The following TXN variants were observed in gnomAD, a reference collection of about 807,000 sequenced individuals.
TXN encodes the protein thioredoxin, also known as ADF.
TXN carries 10 observed loss-of-function variants against 16.5 expected under a neutral mutation model. The ratio of observed to expected loss-of-function variants is 0.61; its 90% CI spans 0.37 to 1.03. The LOEUF is 1.03. TXN is among the 50% of genes least tolerant of loss of function. The probability of loss-of-function intolerance (pLI) is 0.01; values close to 1 mark genes in which losing one functional copy is unlikely to be tolerated. For missense variants in TXN, 71 were observed against 122.5 expected (o/e 0.58, Z 1.98); for synonymous variants, 35 against 39.4 (o/e 0.89, Z 0.42).
chr9:110,248,121 CAAGAGTTA>C (rs1033687695), intron 3 of TXN, among the ~76,000 whole-genome samples: 1 of 151,784 alleles, frequency 6.6e-6, no homozygotes, highest in African/African-American at 2.4e-5. Context: ...AGTGTTATTA[CAAGAGTTA>C]AAGAGTTAAA....
intron 1 of TXN, 26 bp from the exon 2 acceptor site, chr9:110,251,488 T>TA: frequency 7.5e-7 from 1 of 1,337,236 alleles, no homozygotes; most frequent in African/African-American, 1.5e-5. Context: ...AAGCTTATAT[T>TA]AAATAAATAG....
chr9:110,250,793 C>T (rs1428102252), intron 3 of TXN, 27 bp downstream of exon 3: 1 of 1,559,154 alleles, frequency 6.4e-7, no homozygotes, highest in Admixed American at 1.8e-5. Context: ...AAAAGCTCAG[C>T]AGTATCTCAT....
At chr9:110,247,400 G>C (rs1361322234) in intron 3 of TXN, among the ~76,000 whole-genome samples, 1 of 151,754 alleles carries the variant, frequency 6.6e-6, no homozygotes, top group Admixed American at 6.6e-5. Flanking sequence ...TCTGTCATAC[G>C]GAAGTCCTCG....
chr9:110,244,463 A>C (rs768726477), intron 4 of TXN, among the ~76,000 whole-genome samples: 1 of 152,052 alleles, frequency 6.6e-6, no homozygotes, highest in Non-Finnish European at 1.5e-5. Flanking sequence ...CAAAGAAAAA[A>C]TATCAAGAGA....
chr9:110,252,618 G>A (rs1182237630), intron 1 of TXN, among the ~76,000 whole-genome samples: 2 of 152,090 alleles, frequency 1.3e-5, no homozygotes, highest in African/African-American at 2.4e-5. Context: ...CCTGGGAACC[G>A]AATATTCTAG....
At chr9:110,247,328 A>C (rs1348289712) in intron 3 of TXN, among the ~76,000 whole-genome samples, 2 of 151,826 alleles carry the variant, frequency 1.3e-5, no homozygotes, top group Non-Finnish European at 2.9e-5. Flanking sequence ...GTCTCAAAAA[A>C]AAAAAAAAAA....
chr9:110,244,769 T>TGTAC lies in TXN; in HGVS notation c.255+5_255+8dup, dbSNP rs1837625728. 1 of 1,609,780 alleles carries TGTAC rather than the reference T, an allele frequency of 6.2e-7. No homozygotes were observed. Among genetic ancestry groups the TGTAC allele is most frequent in the African/African-American group, 1.3e-5 (1 of 74,938 alleles). On this transcript the variant is annotated intron_variant, in intron 4 of 4. Coordinates refer to ENST00000374517, the MANE Select transcript of TXN (RefSeq NM_003329.4). ...CCCAGTTAGAGTTTTAAAGGTCAGA[T>TGTAC]GTACGTACCTTTTGTCCCTTCTTAA...
chr9:110,244,808 T>C lies in TXN; in HGVS notation c.225A>G (p.Pro75=), dbSNP rs1311458840. ...VASECEVKCM[P]TFQFFKKGQK... ...GTCCCTTCTTAAAAAACTGGAATGT[T>C]GGCATGCATTTGACTTCACACTCTG... Residue 75 remains proline, a synonymous_variant, in exon 4 of 5, where the codon CCA becomes CCG. Transcript: ENST00000374517. 5.6e-6 allele frequency: 9 copies of C among 1,613,002 alleles called. No homozygotes were observed. The highest frequency in any genetic ancestry group is 7.6e-6 in the Non-Finnish European group (9 of 1,179,300).
chr9:110,246,676 T>G (rs969424552), intron 3 of TXN, among the ~76,000 whole-genome samples: 1 of 152,118 alleles, frequency 6.6e-6, no homozygotes, highest in African/African-American at 2.4e-5. Context: ...ACCTCTAGGA[T>G]GGTGGGTGGC....
intron 1 of TXN, among the ~76,000 whole-genome samples, chr9:110,255,368 G>C (rs991076761): frequency 6.6e-6 from 1 of 152,228 alleles, no homozygotes; most frequent in Non-Finnish European, 1.5e-5. Flanking sequence ...CTGCGCGTTA[G>C]GCTCTGGGTT....
intron 3 of TXN, among the ~76,000 whole-genome samples, chr9:110,246,113 C>T (rs1837656548): frequency 6.6e-6 from 1 of 152,102 alleles, no homozygotes; most frequent in African/African-American, 2.4e-5. Context: ...GCTGCAGTAT[C>T]AGAATTACCT....
At chr9:110,246,628 C>T (rs1397335564) in intron 3 of TXN, among the ~76,000 whole-genome samples, 1 of 152,152 alleles carries the variant, frequency 6.6e-6, no homozygotes, top group Non-Finnish European at 1.5e-5. Context: ...ACGGAGAATT[C>T]TCAAGGGGAA....
intron 3 of TXN, among the ~76,000 whole-genome samples, chr9:110,249,040 T>A (rs1307091005): frequency 7.1e-6 from 1 of 141,002 alleles, no homozygotes. Flanking sequence ...AGACAGAGGA[T>A]TGCTTAAACC....
chr9:110,244,331 A>ACATATACATATGTATATATATT (rs1837621160), intron 4 of TXN, 112 bp from the exon 5 acceptor site: 1 of 295,584 alleles, frequency 3.4e-6, no homozygotes, highest in Non-Finnish European at 6.1e-6. Flanking sequence ...GTATATATAT[A>ACATATACATATGTATATATATT]CATATGTATA....
At chr9:110,253,547 T>G (rs1287042798) in intron 1 of TXN, among the ~76,000 whole-genome samples, 1 of 152,184 alleles carries the variant, frequency 6.6e-6, no homozygotes, top group East Asian at 1.9e-4. Context: ...ACATTTTTGT[T>G]TTTTTAACAT....
At chr9:110,253,688 A>G (rs1837769519) in intron 1 of TXN, among the ~76,000 whole-genome samples, 1 of 152,226 alleles carries the variant, frequency 6.6e-6, no homozygotes. Context: ...AGAGGCACGC[A>G]ACAATAACTT....
intron 1 of TXN, among the ~76,000 whole-genome samples, chr9:110,252,761 C>T (rs1837757887): frequency 6.6e-6 from 1 of 152,132 alleles, no homozygotes; most frequent in Non-Finnish European, 1.5e-5. Context: ...TCTCTTGCCT[C>T]AGCCTCCTGA....
chr9:110,250,737 T>A, intron 3 of TXN, 83 bp downstream of exon 3: 1 of 1,074,748 alleles, frequency 9.3e-7, no homozygotes. Context: ...ATTTGACATA[T>A]TTATGGAAAA....
chr9:110,246,152 C>T (rs949848060), intron 3 of TXN, among the ~76,000 whole-genome samples: 2 of 152,134 alleles, frequency 1.3e-5, no homozygotes, highest in Admixed American at 1.3e-4. Flanking sequence ...CCCCATCAAC[C>T]CCATCTTAAA....
Sources: gnomAD v4.1 joint callset for allele counts (sites outside exome capture counted in the v4.1 genomes callset) on GRCh38, gnomAD v4.1.1 for gene constraint, MANE v1.5 for transcripts, NCBI Gene and HGNC (gene_info 2026-07-23, HGNC 2026-07-21) for gene names.